Variants in DNAAF4 observed in about 807,000 individuals in gnomAD.
The protein encoded by DNAAF4 is dynein axonemal assembly factor 4.
A neutral mutation model predicts 51.8 loss-of-function variants in DNAAF4; 43 were observed. That is an observed-to-expected ratio of 0.83 (90% confidence interval 0.65 to 1.07). The LOEUF is 1.07. Among genes scored for constraint, DNAAF4 ranks in the 50% least tolerant of loss-of-function variants. The probability of loss-of-function intolerance (pLI) is 0.00; values close to 1 mark genes in which losing one functional copy is unlikely to be tolerated. For synonymous variants in DNAAF4, 194 were observed against 165.6 expected, an observed-to-expected ratio of 1.17 and a Z score of -1.32; for missense variants, 581 against 493.0, an observed-to-expected ratio of 1.18 and a Z score of -1.69.
intron 4 of DNAAF4, among the ~76,000 whole-genome samples, chr15:55,468,502 A>T (rs2058201849): frequency 6.6e-6 from 1 of 152,228 alleles, no homozygotes; most frequent in South Asian, 2.1e-4. Context: ...AAGAATCTAC[A>T]CATGGCAATG....
intron 6 of DNAAF4, 37 bp from the exon 7 acceptor site, chr15:55,439,618 G>C: frequency 6.4e-7 from 1 of 1,560,868 alleles, no homozygotes; most frequent in Non-Finnish European, 8.7e-7. Flanking sequence ...GAATAAAAAG[G>C]TCTTTTTTTA....
intron 6 of DNAAF4, chr15:55,443,014 C>A (rs1445538107): frequency 1.2e-6 from 2 of 1,611,468 alleles, no homozygotes; most frequent in Admixed American, 3.3e-5. Context: ...ATCATCAAAG[C>A]TTCTGGTGAA....
chr15:55,450,030 A>T (rs1382729985), intron 6 of DNAAF4, among the ~76,000 whole-genome samples, 192 bp downstream of exon 6: 1 of 152,130 alleles, frequency 6.6e-6, no homozygotes, highest in Non-Finnish European at 1.5e-5. Context: ...GTATTCTCTT[A>T]TCACTATTCT....
Position 55,457,655 on chromosome 15 carries a change from G to A in DNAAF4, c.638-7288C>T, listed in dbSNP as rs552121838. ...AGAACAACCCTGCTCCAAAGAAGGA[G>A]AAAACAACAGCTAATTCCACTTCCT... On this transcript the variant is annotated intron_variant, in intron 5 of 9. Coordinates refer to ENST00000321149, the MANE Select transcript of DNAAF4 (RefSeq NM_130810.4). 8.5e-5 allele frequency among the ~76,000 whole-genome samples: 13 copies of A among 152,316 alleles called. No homozygotes were observed. In the South Asian group the frequency reaches 1.4e-3, roughly 17 times the overall value.
chr15:55,507,577 C>T (rs567397223), intron 1 of DNAAF4, among the ~76,000 whole-genome samples: 17 of 152,208 alleles, frequency 1.1e-4, no homozygotes, highest in East Asian at 9.7e-4. Flanking sequence ...AGTCAGGGGT[C>T]GTCTGTAAAG....
Position 55,433,950 on chromosome 15 carries a change from A to ATTTTATATAATATATTATAATAT in DNAAF4, c.1047+954_1047+955insATATTATAATATATTATATAAAA, listed in dbSNP as rs1228233746. Reference sequence around the variant, plus strand: ...ATATTATATAAAATATATATAATATATATAATATATATAATATATTTTATA... The same window carrying ATTTTATATAATATATTATAATAT: ...ATATTATATAAAATATATATAATATATTTTATATAATATATTATAATATTATAATATATATAATATATTTTATA... On this transcript the variant is annotated intron_variant, in intron 8 of 9. Coordinates refer to ENST00000321149, the MANE Select transcript of DNAAF4 (RefSeq NM_130810.4). Among the ~76,000 whole-genome samples the ATTTTATATAATATATTATAATAT allele has an allele frequency of 2.4e-4, 8 of 33,172 alleles. 1 individual carries two copies. The highest frequency in any genetic ancestry group is 5.7e-4 in the African/African-American group (6 of 10,520). The allele number at this position is 33,172 out of a possible 152,430, so 21.8% of individuals were successfully genotyped here. A position where few individuals can be genotyped will look rare whatever the true frequency, so the allele number is the denominator to read the frequency against.
intron 6 of DNAAF4, among the ~76,000 whole-genome samples, chr15:55,442,212 G>C (rs558952775): frequency 2.5e-3 from 385 of 152,180 alleles, no homozygotes; most frequent in Non-Finnish European, 3.9e-3. Context: ...TCCGCTTCCC[G>C]GGTTCAAGCA....
chr15:55,433,858 A>ATT (rs1567000285), intron 8 of DNAAF4, among the ~76,000 whole-genome samples: 1 of 45,058 alleles, frequency 2.2e-5, no homozygotes, highest in Non-Finnish European at 4.2e-5. Flanking sequence ...TATATATTAT[A>ATT]ATATATATTA....
intron 6 of DNAAF4, chr15:55,443,260 G>A (rs1441142188): frequency 3.8e-6 from 6 of 1,587,248 alleles, no homozygotes; most frequent in South Asian, 3.4e-5. Context: ...TGACCTCAGC[G>A]CGGGTTGCGG....
intron 7 of DNAAF4, among the ~76,000 whole-genome samples, chr15:55,419,560 G>A (rs192692130): frequency 4.3e-4 from 66 of 152,236 alleles, no homozygotes; most frequent in African/African-American, 1.5e-3. Context: ...TTAACATTGT[G>A]TTAGTTCCCA....
intron 3 of DNAAF4, among the ~76,000 whole-genome samples, chr15:55,496,553 T>C (rs2058643548): frequency 6.6e-6 from 1 of 152,186 alleles, no homozygotes; most frequent in African/African-American, 2.4e-5. Context: ...GGTTGTTTCA[T>C]GGAATTACAG....
chr15:55,448,392 T>C (rs2057872681), intron 6 of DNAAF4, among the ~76,000 whole-genome samples: 1 of 149,868 alleles, frequency 6.7e-6, no homozygotes, highest in Admixed American at 6.8e-5. Context: ...CATTTTTCTG[T>C]ACTGAAAAAT....
chr15:55,505,282 G>T (rs2058721021), intron 1 of DNAAF4, among the ~76,000 whole-genome samples: 1 of 152,196 alleles, frequency 6.6e-6, no homozygotes, highest in Non-Finnish European at 1.5e-5. Flanking sequence ...ATGCTGGAGA[G>T]GATGTGGAGA....
chr15:55,489,674 C>CAA (rs756823133), intron 4 of DNAAF4, among the ~76,000 whole-genome samples: 10,457 of 80,684 alleles, frequency 0.13, 599 homozygotes, highest in East Asian at 0.2. Context: ...GACACCATTT[C>CAA]AAAAAAAAAA....
chr15:55,502,736 A>T (rs1230922888), intron 1 of DNAAF4, among the ~76,000 whole-genome samples: 9 of 152,232 alleles, frequency 5.9e-5, no homozygotes, highest in Non-Finnish European at 4.4e-5. Flanking sequence ...AAGAACAAAG[A>T]CACAACGTAC....
chr15:55,422,954 G>C (rs1265094193), intron 7 of DNAAF4, among the ~76,000 whole-genome samples: 1 of 151,884 alleles, frequency 6.6e-6, no homozygotes, highest in East Asian at 1.9e-4. Flanking sequence ...CCAAGATCAC[G>C]ACATTGCACT....
intron 1 of DNAAF4, among the ~76,000 whole-genome samples, chr15:55,503,303 A>C (rs2058709449): frequency 6.6e-6 from 1 of 152,188 alleles, no homozygotes; most frequent in South Asian, 2.1e-4. Flanking sequence ...AACCAAAAAA[A>C]GTCCAGGACC....
intron 5 of DNAAF4, among the ~76,000 whole-genome samples, chr15:55,452,173 G>C (rs2057943267): frequency 1.4e-5 from 2 of 145,392 alleles, no homozygotes; most frequent in Non-Finnish European, 3.0e-5. Context: ...GCTTCAACCT[G>C]GGAGGCAGAG....
intron 1 of DNAAF4, among the ~76,000 whole-genome samples, chr15:55,506,450 C>T (rs939383329): frequency 1.6e-4 from 25 of 152,244 alleles, no homozygotes; most frequent in South Asian, 1.0e-3. Context: ...ATAATTTAGG[C>T]TGCTCTGTGC....
Sources: allele counts gnomAD v4.1 joint callset (sites outside exome capture counted in the v4.1 genomes callset), GRCh38; gene constraint gnomAD v4.1.1; transcripts MANE v1.5; gene names NCBI Gene and HGNC (gene_info 2026-07-23, HGNC 2026-07-21).